Variants in NFATC1 observed in about 807,000 individuals in gnomAD.
NFATC1 encodes the protein nuclear factor of activated T cells 1, also known as nuclear factor of activated T-cells, cytoplasmic 1.
NFATC1 carries 22 observed loss-of-function variants against 76.0 expected under a neutral mutation model. The observed-to-expected ratio is 0.29, with a 90% confidence interval of 0.21 to 0.41. The LOEUF (loss-of-function observed/expected upper bound fraction) is 0.41, where lower values mean the gene tolerates loss of function less well. Ranked by LOEUF, NFATC1 falls within the 10% of genes least tolerant of loss-of-function variation. The probability of loss-of-function intolerance (pLI) is 1.00; values close to 1 mark genes in which losing one functional copy is unlikely to be tolerated. For missense variants in NFATC1, 1,357 were observed against 1,337.7 expected, an observed-to-expected ratio of 1.01 and a Z score of -0.23; for synonymous variants, 704 against 613.1, an observed-to-expected ratio of 1.15 and a Z score of -2.19.
rs2085635641 is a variant in NFATC1 at position 79,410,611 on chromosome 18, C to T, written c.336C>T (p.Ala112=). Residue 112 remains alanine (A), a synonymous_variant, in exon 2 of 10, where the codon GCC becomes GCT. Transcript: ENST00000427363. The surrounding 1 kb of genome is among the most constrained non-coding windows in gnomAD (Gnocchi z 6.7). The part of the protein sequence containing the change: ...LSSGHTRPDG[A]PALESPRIEI... ...CCGGCCACACCAGGCCTGATGGGGC[C>T]CCTGCCCTGGAGAGTCCTCGCATCG... 1 of 1,612,974 alleles carries T rather than the reference C, an allele frequency of 6.2e-7. No individual in the cohort carries two copies. Among genetic ancestry groups the T allele is most frequent in the African/African-American group, 1.3e-5 (1 of 75,050 alleles).
intron 9 of NFATC1, among the ~76,000 whole-genome samples, chr18:79,492,720 A>C (rs534445944): frequency 6.6e-6 from 1 of 150,518 alleles, no homozygotes; most frequent in South Asian, 2.1e-4. Flanking sequence ...AAAAAAAAAA[A>C]AAGATTAGCT....
intron 9 of NFATC1, among the ~76,000 whole-genome samples, chr18:79,495,032 C>A (rs1461016925): frequency 6.6e-6 from 1 of 152,242 alleles, no homozygotes; most frequent in South Asian, 2.1e-4. Context: ...GGCTGGAGAA[C>A]CCTGGGGCAG....
At chr18:79,420,002 C>T (rs751267015) in intron 2 of NFATC1, among the ~76,000 whole-genome samples, 3 of 152,228 alleles carry the variant, frequency 2.0e-5, no homozygotes, top group Non-Finnish European at 2.9e-5. Context: ...CTGGGTTAGA[C>T]GCACAGGGCT....
chr18:79,464,985 G>A (rs1204173869), intron 7 of NFATC1, among the ~76,000 whole-genome samples: 1 of 152,038 alleles, frequency 6.6e-6, no homozygotes, highest in East Asian at 1.9e-4. Context: ...GATGACAGGT[G>A]TGAGCCACCG....
intron 1 of NFATC1, chr18:79,400,510 C>A (rs2085166874): frequency 1.4e-6 from 2 of 1,390,696 alleles, no homozygotes; most frequent in Admixed American, 3.5e-5. Flanking sequence ...GCGGGGGGCG[C>A]GGGGCCAGGT....
At chr18:79,409,336 CCATCCATCCATCCATCCATCAT>C (rs2085568499) in intron 1 of NFATC1, among the ~76,000 whole-genome samples, 1 of 31,024 alleles carries the variant, frequency 3.2e-5, no homozygotes, top group Non-Finnish European at 1.3e-4. Flanking sequence ...ATTCATTCAT[CCATCCATCCATCCATCCATCAT>C]CATTCATCCA....
chr18:79,448,995 G>A lies in NFATC1; in HGVS notation c.1589+11G>A. ...CAGCATGCGAGCCGTGTAAGCCGCGGGGGACCTCCGGCCTCTGGCAGGGGG... is the reference window on the plus strand; with the variant it reads ...CAGCATGCGAGCCGTGTAAGCCGCGAGGGACCTCCGGCCTCTGGCAGGGGG... On this transcript the variant is annotated intron_variant, in intron 4 of 9. Coordinates refer to ENST00000427363, the MANE Select transcript of NFATC1 (RefSeq NM_001278669.2). The A allele has an allele frequency of 6.2e-7, 1 of 1,612,198 alleles. No homozygotes were observed. Among genetic ancestry groups the A allele is most frequent in the East Asian group, 2.2e-5 (1 of 44,868 alleles).
At chr18:79,438,597 G>T (rs1000214418) in intron 3 of NFATC1, among the ~76,000 whole-genome samples, 1 of 152,378 alleles carries the variant, frequency 6.6e-6, no homozygotes, top group Non-Finnish European at 1.5e-5. Context: ...GCCTCGGCCC[G>T]TTCTGAAACA....
chr18:79,442,374 C>T (rs2087014193), intron 3 of NFATC1, among the ~76,000 whole-genome samples: 1 of 152,226 alleles, frequency 6.6e-6, no homozygotes, highest in Non-Finnish European at 1.5e-5. Flanking sequence ...TGACAGCGCA[C>T]GTGCCATTCA....
chr18:79,400,252 C>T (rs2148125561), intron 1 of NFATC1: 1 of 1,061,684 alleles, frequency 9.4e-7, no homozygotes, highest in Non-Finnish European at 1.1e-6. Flanking sequence ...CCCGGAAACG[C>T]CCCGGGGGGC....
chr18:79,473,152 G>A (rs947083516), intron 8 of NFATC1, among the ~76,000 whole-genome samples: 1 of 152,144 alleles, frequency 6.6e-6, no homozygotes, highest in South Asian at 2.1e-4. Context: ...CCTGCGCCAC[G>A]CTCCAGGTCG....
chr18:79,401,688 G>C (rs184555368), intron 1 of NFATC1, among the ~76,000 whole-genome samples: 99 of 152,368 alleles, frequency 6.5e-4, no homozygotes, highest in African/African-American at 2.2e-3. Context: ...TCTTTATGGG[G>C]TGAAAGTCGG....
intron 3 of NFATC1, among the ~76,000 whole-genome samples, chr18:79,447,261 G>A (rs2087247586): frequency 6.6e-6 from 1 of 152,248 alleles, no homozygotes; most frequent in Non-Finnish European, 1.5e-5. Context: ...TGACATCTGA[G>A]AATCCGCCGT....
intron 2 of NFATC1, among the ~76,000 whole-genome samples, chr18:79,432,587 C>T (rs1012712847): frequency 6.6e-6 from 1 of 152,240 alleles, no homozygotes; most frequent in African/African-American, 2.4e-5. Flanking sequence ...TGGGCCGGGG[C>T]TGCAGCGGCC....
At chr18:79,487,500 G>A (rs963536443) in intron 9 of NFATC1, among the ~76,000 whole-genome samples, 1 of 152,236 alleles carries the variant, frequency 6.6e-6, no homozygotes, top group African/African-American at 2.4e-5. Flanking sequence ...GGCCCCAGGT[G>A]CAGGGTCTTC....
At chr18:79,510,864 T>C (rs63749362) in intron 9 of NFATC1, among the ~76,000 whole-genome samples, 723 of 26,440 alleles carry the variant, frequency 0.027, 6 homozygotes, top group African/African-American at 0.07. Context: ...GGGCATCCTC[T>C]GCCGGGGCAT....
intron 2 of NFATC1, among the ~76,000 whole-genome samples, chr18:79,412,864 C>G (rs952623339): frequency 6.6e-6 from 1 of 152,170 alleles, no homozygotes; most frequent in East Asian, 1.9e-4. Context: ...TTGCAGTGGG[C>G]GCATTTACCT....
At chr18:79,492,765 T>G (rs2089721845) in intron 9 of NFATC1, among the ~76,000 whole-genome samples, 1 of 150,354 alleles carries the variant, frequency 6.7e-6, no homozygotes, top group South Asian at 2.1e-4. Context: ...TCCCAGCTAC[T>G]TGGAAGGCTG....
At chr18:79,462,665 T>C (rs1175630175) in intron 7 of NFATC1, among the ~76,000 whole-genome samples, 1 of 152,240 alleles carries the variant, frequency 6.6e-6, no homozygotes, top group Non-Finnish European at 1.5e-5. Flanking sequence ...TTGAGTGTTC[T>C]GTTTAGTCCT....
Sources: allele counts gnomAD v4.1 joint callset (sites outside exome capture counted in the v4.1 genomes callset), GRCh38; gene constraint gnomAD v4.1.1; non-coding constraint Gnocchi (gnomAD v3.1); transcripts MANE v1.5; gene names NCBI Gene and HGNC (gene_info 2026-07-23, HGNC 2026-07-21).